The following PHTF2 variants were observed in gnomAD, a reference collection of about 807,000 sequenced individuals.
PHTF2 encodes protein PHTF2.
A neutral mutation model predicts 101.2 loss-of-function variants in PHTF2; 60 were observed. That is an observed-to-expected ratio of 0.59 (90% CI 0.48 to 0.73). The LOEUF is 0.73. Among genes scored for constraint, PHTF2 ranks in the 30% least tolerant of loss-of-function variants. The pLI is 0.00. For missense variants in PHTF2, 747 were observed against 908.7 expected, an observed-to-expected ratio of 0.82 and a Z score of 2.29; for synonymous variants, 311 against 307.3, an observed-to-expected ratio of 1.01 and a Z score of -0.13.
intron 3 of PHTF2, among the ~76,000 whole-genome samples, chr7:77,870,418 A>G (rs781103600): frequency 3.3e-5 from 5 of 152,194 alleles, no homozygotes; most frequent in Non-Finnish European, 7.3e-5. Context: ...CCAAAACTGA[A>G]GAACTTGGAA....
intron 5 of PHTF2, among the ~76,000 whole-genome samples, chr7:77,896,284 A>T (rs887675869): frequency 3.3e-5 from 5 of 152,180 alleles, no homozygotes; most frequent in African/African-American, 1.2e-4. Flanking sequence ...TAATCAATTT[A>T]TCTGGCTCAC....
intron 1 of PHTF2, among the ~76,000 whole-genome samples, chr7:77,819,549 T>C (rs1011190450): frequency 1.4e-4 from 22 of 152,228 alleles, no homozygotes; most frequent in Non-Finnish European, 5.9e-5. Context: ...TGATTTGTAT[T>C]TGTTGAACCG....
chr7:77,834,960 G>A (rs1021253515), intron 1 of PHTF2, among the ~76,000 whole-genome samples: 1 of 152,132 alleles, frequency 6.6e-6, no homozygotes, highest in Non-Finnish European at 1.5e-5. Context: ...GAGACATTAA[G>A]CTTCAGCATT....
At chr7:77,867,060 A>G (rs1000071578) in intron 3 of PHTF2, among the ~76,000 whole-genome samples, 4 of 152,248 alleles carry the variant, frequency 2.6e-5, no homozygotes, top group Non-Finnish European at 5.9e-5. Flanking sequence ...CTCCATACAT[A>G]TTAGTACATT....
intron 1 of PHTF2, among the ~76,000 whole-genome samples, chr7:77,817,030 G>T (rs1793906060): frequency 6.6e-6 from 1 of 152,130 alleles, no homozygotes; most frequent in Non-Finnish European, 1.5e-5. Flanking sequence ...AATAAACATG[G>T]GGTACAGATG....
exon 12 of PHTF2, chr7:77,929,304 T>C: frequency 6.2e-7 from 1 of 1,602,562 alleles, no homozygotes; most frequent in Non-Finnish European, 8.5e-7. Flanking sequence ...GAAAAAAGAA[T>C]ATAGAGATGA....
Position 77,840,386 on chromosome 7 carries a change from T to C in PHTF2, c.45+86T>C, listed in dbSNP as rs556310599. ...ATTTCATGCTATAGATGTTAGGATT[T>C]TGAGTGGGAAAGGAAGATTATTTTT... is the stretch of plus-strand genomic sequence containing the variant. On this transcript the variant is annotated intron_variant, in intron 2 of 19. Transcript: ENST00000416283. 3.6e-5 allele frequency: 28 copies of C among 788,020 alleles called. No individual in the cohort carries two copies. The African/African-American group carries it at 4.5e-4, about 13-fold the overall frequency. The allele number at this position is 788,020 out of a possible 1,614,324, so 48.8% of individuals were successfully genotyped here.
intron 3 of PHTF2, among the ~76,000 whole-genome samples, chr7:77,865,155 AC>A (rs901510058): frequency 1.1e-4 from 16 of 152,068 alleles, no homozygotes; most frequent in African/African-American, 3.4e-4. Context: ...CTAGATATAA[AC>A]ATTCTGAGAT....
rs1262355617 is a variant in PHTF2, at chr7:77,920,235, A to C, written c.777-44A>C. 6 of 1,095,296 alleles carry C rather than the reference A, an allele frequency of 5.5e-6. No homozygotes were observed. In the African/African-American group the frequency reaches 7.9e-5, roughly 14 times the overall value. The allele number at this position is 1,095,296 out of a possible 1,614,324, so 67.8% of individuals were successfully genotyped here. A position where few individuals can be genotyped will look rare whatever the true frequency, so the allele number is the denominator to read the frequency against. On this transcript the variant is annotated intron_variant, in intron 9 of 19. Transcript: ENST00000416283. ...TAATTTCTATCAGTAACCTATCCAA[A>C]ATAAGCTAAGTCCAAACATTCTTCT...
intron 16 of PHTF2, 135 bp downstream of exon 15, chr7:77,942,921 T>C (rs1221128897): frequency 7.8e-6 from 4 of 515,598 alleles, no homozygotes; most frequent in Non-Finnish European, 1.3e-5. Flanking sequence ...GCAGTTTTTT[T>C]GGTAGAATAA....
At chr7:77,949,231 T>G (rs1415290624) in intron 16 of PHTF2, among the ~76,000 whole-genome samples, 1 of 151,968 alleles carries the variant, frequency 6.6e-6, no homozygotes, top group Non-Finnish European at 1.5e-5. Context: ...TTATATAAAC[T>G]TTTTCCTTTT....
At chr7:77,926,066 A>G (rs1164589216) in intron 11 of PHTF2, among the ~76,000 whole-genome samples, 1 of 151,968 alleles carries the variant, frequency 6.6e-6, no homozygotes, top group African/African-American at 2.4e-5. Flanking sequence ...AAAAAAAACA[A>G]AAACAAAAAC....
chr7:77,920,300 A>G, exon 10 of PHTF2: 1 of 1,589,334 alleles, frequency 6.3e-7, no homozygotes, highest in East Asian at 2.2e-5. Context: ...CAAAGAATTC[A>G]ATTGATAAAT....
chr7:77,907,246 T>A (rs1007891559), intron 7 of PHTF2, among the ~76,000 whole-genome samples: 106 of 152,282 alleles, frequency 7.0e-4, no homozygotes, highest in Non-Finnish European at 6.2e-4. Flanking sequence ...TTCATAACGA[T>A]GATTGGCATT....
At chr7:77,865,442 G>A (rs574452471) in intron 3 of PHTF2, among the ~76,000 whole-genome samples, 10 of 152,084 alleles carry the variant, frequency 6.6e-5, no homozygotes, top group African/African-American at 2.4e-4. Context: ...GTCAGGCTTG[G>A]TCTCAAACTC....
intron 6 of PHTF2, 31 bp from the exon 6 acceptor site, chr7:77,901,731 A>G (rs1188705768): frequency 4.6e-6 from 6 of 1,305,746 alleles, no homozygotes; most frequent in Admixed American, 6.3e-5. Flanking sequence ...ATATATAAAT[A>G]TACTCTGTTG....
intron 5 of PHTF2, among the ~76,000 whole-genome samples, chr7:77,895,372 A>T (rs17159264): frequency 1.3e-5 from 2 of 152,068 alleles, no homozygotes; most frequent in African/African-American, 4.8e-5. Flanking sequence ...AGGAAAGAGA[A>T]GTAGGAGATC....
At chr7:77,851,172 G>A (rs1310628476) in intron 2 of PHTF2, among the ~76,000 whole-genome samples, 2 of 152,176 alleles carry the variant, frequency 1.3e-5, no homozygotes, top group Non-Finnish European at 2.9e-5. Flanking sequence ...AGAATAGTTT[G>A]AGAAGGATTG....
At chr7:77,854,328 C>G (rs1796995834) in intron 2 of PHTF2, among the ~76,000 whole-genome samples, 1 of 152,136 alleles carries the variant, frequency 6.6e-6, no homozygotes, top group African/African-American at 2.4e-5. Flanking sequence ...GCTGAGCTGC[C>G]TGGAGCTGGG....
Sources: gnomAD v4.1 joint callset for allele counts (sites outside exome capture counted in the v4.1 genomes callset) on GRCh38, gnomAD v4.1.1 for gene constraint, MANE v1.5 for transcripts, NCBI Gene and HGNC (gene_info 2026-07-23, HGNC 2026-07-21) for gene names.